Variants in SGSM1 observed in about 807,000 individuals in gnomAD.
SGSM1 encodes small G protein signaling modulator 1.
In SGSM1, 73 loss-of-function variants were observed where a neutral mutation model predicts 133.8. The observed-to-expected ratio is 0.55, with a 90% CI of 0.45 to 0.66. SGSM1 has a LOEUF of 0.66. Among genes scored for constraint, SGSM1 ranks in the 30% least tolerant of loss-of-function variants. SGSM1 has a pLI of 0.00. For missense variants in SGSM1, 1,213 were observed against 1,448.1 expected, an observed-to-expected ratio of 0.84 and a Z score of 2.64; for synonymous variants, 563 against 573.0, an observed-to-expected ratio of 0.98 and a Z score of 0.25.
chr22:24,884,102 C>G lies in SGSM1; in HGVS notation c.1545C>G (p.Ala515=). 6.2e-7 allele frequency: 1 copy of G among 1,613,762 alleles called. No homozygotes were observed. The highest frequency in any genetic ancestry group is 8.5e-7 in the Non-Finnish European group (1 of 1,179,802). Reference sequence around the variant, plus strand: ...CCACCGTGAGAACCCACCTATCAGCCCTGGTCAATCACATGATCGTGTCTC... The same window carrying G: ...CCACCGTGAGAACCCACCTATCAGCGCTGGTCAATCACATGATCGTGTCTC... The part of the protein sequence containing the change: ...HLSTVRTHLS[A]LVNHMIVSPD... Residue 515 remains alanine, a synonymous_variant, in exon 15 of 25, where the codon GCC becomes GCG. Transcript: ENST00000400358.
At chr22:24,916,396 C>G (rs940899948) in intron 22 of SGSM1, among the ~76,000 whole-genome samples, 1 of 152,034 alleles carries the variant, frequency 6.6e-6, no homozygotes, top group Non-Finnish European at 1.5e-5. Flanking sequence ...TAGCATGTAT[C>G]AAAACTTAGT....
Position 24,901,852 on chromosome 22 carries a change from A to G in SGSM1, c.2630A>G (p.Tyr877Cys). 1 of 1,612,804 alleles carries G rather than the reference A, an allele frequency of 6.2e-7. No homozygotes were observed. Among genetic ancestry groups the G allele is most frequent in the East Asian group, 2.2e-5 (1 of 44,862 alleles). The change falls in exon 20 of 25, where the codon TAC (tyrosine) becomes TGC (cysteine). Residue 877 changes from tyrosine to cysteine, a missense_variant. Coordinates refer to ENST00000400358, the MANE Select transcript of SGSM1 (RefSeq NM_001098497.3). ...VTYSPELLDL[Y>C]TVNLHRIEKD... ...CTATAGCCAGAGCTGCTGGATCTGTACACGGTGAACCTGCACCGCATCGAG... is the reference window on the plus strand; with the variant it reads ...CTATAGCCAGAGCTGCTGGATCTGTGCACGGTGAACCTGCACCGCATCGAG...
Position 24,891,906 on chromosome 22 carries a change from G to A in SGSM1, c.1771-1525G>A, listed in dbSNP as rs369480260. 1.8e-4 allele frequency among the ~76,000 whole-genome samples: 27 copies of A among 152,274 alleles called. 1 individual carries two copies. In the East Asian group the frequency reaches 4.2e-3, roughly 24 times the overall value. On this transcript the variant is annotated intron_variant, in intron 16 of 24. Coordinates refer to ENST00000400358, the MANE Select transcript of SGSM1 (RefSeq NM_001098497.3). ...GGTCTGGAGGGGAGACCAGCGTGGTGTGGTGTGTGTGTCCGAATGGGTTTA... is the reference window on the plus strand; with the variant it reads ...GGTCTGGAGGGGAGACCAGCGTGGTATGGTGTGTGTGTCCGAATGGGTTTA...
At position 24,907,260 on chromosome 22, in the gene SGSM1, CAAATAAATAAATAAATAAAT is replaced by C. The variant is rs199825662; in HGVS notation, c.2818+2101_2818+2120del. Among the ~76,000 whole-genome samples, 764 of 142,660 alleles carry C rather than the reference CAAATAAATAAATAAATAAAT, an allele frequency of 5.4e-3. 2 individuals are homozygous for C. Among genetic ancestry groups the C allele is most frequent in the African/African-American group, 0.018 (683 of 38,794 alleles). 93.6% of individuals were successfully genotyped at this position (142,660 alleles called of 152,430 possible). A position where few individuals can be genotyped will look rare whatever the true frequency, so the allele number is the denominator to read the frequency against. ...GGGTGACAAGAGCAAAACTCCATCT[CAAATAAATAAATAAATAAAT>C]AAATAAATAAATAAATAAATAAATA... On this transcript the variant is annotated intron_variant, in intron 21 of 24. Coordinates refer to ENST00000400358, the MANE Select transcript of SGSM1 (RefSeq NM_001098497.3).
rs1304026219 is a variant in SGSM1, at chr22:24,845,955, T to TTCTTTCTTTCTTTCTC, written c.139+998_139+999insCTCTTTCTTTCTTTCT. On this transcript the variant is annotated intron_variant, in intron 3 of 24. Coordinates refer to ENST00000400358, the MANE Select transcript of SGSM1 (RefSeq NM_001098497.3). ...CTTTTCTTTTCTTTTCTTTCTTTCT[T>TTCTTTCTTTCTTTCTC]TCTTTCTTTCTTTCTTTCTTTCTTT... Among the ~76,000 whole-genome samples, 426 of 91,914 alleles carry TTCTTTCTTTCTTTCTC rather than the reference T, an allele frequency of 4.6e-3. 10 individuals are homozygous for TTCTTTCTTTCTTTCTC. Among genetic ancestry groups the TTCTTTCTTTCTTTCTC allele is most frequent in the African/African-American group, 0.015 (410 of 27,074 alleles). The allele number at this position is 91,914 out of a possible 152,430, so 60.3% of individuals were successfully genotyped here.
intron 18 of SGSM1, among the ~76,000 whole-genome samples, chr22:24,897,475 G>A (rs543749937): frequency 6.6e-6 from 1 of 152,094 alleles, no homozygotes; most frequent in African/African-American, 2.4e-5. Context: ...CTTTTTTATT[G>A]CTGTTTGAGA....
chr22:24,901,819 C>G lies in SGSM1; in HGVS notation c.2611-14C>G. 1 of 1,611,898 alleles carries G rather than the reference C, an allele frequency of 6.2e-7. No homozygotes were observed. Among genetic ancestry groups the G allele is most frequent in the Non-Finnish European group, 8.5e-7 (1 of 1,179,088 alleles). ...TCATTTCTTCCCCCTACCCCCTGCCCCGATGGCCTATAGCCAGAGCTGCTG... is the reference window on the plus strand; with the variant it reads ...TCATTTCTTCCCCCTACCCCCTGCCGCGATGGCCTATAGCCAGAGCTGCTG... On this transcript the variant is annotated splice_polypyrimidine_tract_variant and intron_variant, in intron 19 of 24. Transcript: ENST00000400358.
At chr22:24,886,763 C>A (rs1278368586) in intron 16 of SGSM1, 35 bp downstream of exon 16, 24 of 1,557,438 alleles carry the variant, frequency 1.5e-5, no homozygotes, top group Admixed American at 3.8e-5. Flanking sequence ...GGATCTTTGG[C>A]AACAAAAGGA....
intron 2 of SGSM1, among the ~76,000 whole-genome samples, chr22:24,811,407 A>G (rs1164909965): frequency 6.7e-6 from 1 of 149,586 alleles, no homozygotes; most frequent in Non-Finnish European, 1.5e-5. Context: ...ATTGTCTTGA[A>G]TGCATATTTG....
rs1932472887 is a variant in SGSM1, at chr22:24,884,069, A to G, written c.1512A>G (p.Arg504=). Residue 504 remains arginine, a synonymous_variant, in exon 15 of 25, where the codon AGA becomes AGG. Coordinates refer to ENST00000400358, the MANE Select transcript of SGSM1 (RefSeq NM_001098497.3). ...CCTCAACAGGGCTGGCCTACTGCAGACACCTGTCCACCGTGAGAACCCACC... is the reference window on the plus strand; with the variant it reads ...CCTCAACAGGGCTGGCCTACTGCAGGCACCTGTCCACCGTGAGAACCCACC... ...RAFYGWLAYC[R]HLSTVRTHLS... 1 of 1,612,548 alleles carries G rather than the reference A, an allele frequency of 6.2e-7. No individual in the cohort carries two copies. Among genetic ancestry groups the G allele is most frequent in the Non-Finnish European group, 8.5e-7 (1 of 1,179,316 alleles).
At chr22:24,883,817 G>T (rs769904249) in intron 14 of SGSM1, among the ~76,000 whole-genome samples, 2 of 152,180 alleles carry the variant, frequency 1.3e-5, no homozygotes, top group Admixed American at 6.5e-5. Flanking sequence ...TTAGCCAGAC[G>T]TGCTGGCGCG....
At chr22:24,873,654 C>A (rs573487114) in intron 12 of SGSM1, among the ~76,000 whole-genome samples, 50 of 152,232 alleles carry the variant, frequency 3.3e-4, no homozygotes, top group Non-Finnish European at 5.9e-4. Context: ...AATTCGAGAT[C>A]AGCCTGGGCA....
chr22:24,913,048 C>T (rs1228086144), intron 22 of SGSM1, among the ~76,000 whole-genome samples: 1 of 151,982 alleles, frequency 6.6e-6, no homozygotes, highest in African/African-American at 2.4e-5. Context: ...AGAGCATAGT[C>T]CACGGGCTGG....
Position 24,906,819 on chromosome 22 carries a change from C to T in SGSM1, c.2818+1632C>T, listed in dbSNP as rs560168087. On this transcript the variant is annotated intron_variant, in intron 21 of 24. Transcript: ENST00000400358. ...AAACAAAAATAGCCAGGCGTGGTGG[C>T]GCATGCCTCTAATTCCAGTTACTTG... Among the ~76,000 whole-genome samples the T allele has an allele frequency of 5.1e-4, 77 of 152,044 alleles. No homozygotes were observed. The South Asian group carries it at 0.015, about 30-fold the overall frequency.
Position 24,926,967 on chromosome 22 carries a change from C to T in SGSM1, c.*2693C>T, listed in dbSNP as rs968945064. On this transcript the variant is annotated 3_prime_UTR_variant, in exon 25 of 25. Transcript: ENST00000400358. ...TGGGGTCAGATTTTTGTAATAGCTG[C>T]CTGGCCTTTTCCCAGAAAAGGTGAA... The T allele has an allele frequency of 6.6e-6, 1 of 151,904 alleles. No individual in the cohort carries two copies. Among genetic ancestry groups the T allele is most frequent in the Admixed American group, 6.6e-5 (1 of 15,224 alleles). 9.4% of individuals were successfully genotyped at this position (151,904 alleles called of 1,614,324 possible). A position where few individuals can be genotyped will look rare whatever the true frequency, so the allele number is the denominator to read the frequency against.
intron 16 of SGSM1, among the ~76,000 whole-genome samples, chr22:24,890,442 G>A (rs1932795595): frequency 6.6e-6 from 1 of 152,158 alleles, no homozygotes; most frequent in Admixed American, 6.5e-5. Context: ...TAAGTACACT[G>A]TCAAAACCAG....
intron 21 of SGSM1, among the ~76,000 whole-genome samples, chr22:24,910,416 G>T (rs1933576526): frequency 6.6e-6 from 1 of 152,170 alleles, no homozygotes; most frequent in Admixed American, 6.5e-5. Context: ...CACTTTGGGA[G>T]GCAGGAGGAT....
In SGSM1 at chr22:24,835,288, C is replaced by G. The variant is rs114767969; in HGVS notation, c.64-9609C>G. Among the ~76,000 whole-genome samples the G allele has an allele frequency of 1.5e-3, 224 of 152,252 alleles. 3 individuals are homozygous for G. Among genetic ancestry groups the G allele is most frequent in the African/African-American group, 5.0e-3 (209 of 41,530 alleles). On this transcript the variant is annotated intron_variant, in intron 2 of 24. Coordinates refer to ENST00000400358, the MANE Select transcript of SGSM1 (RefSeq NM_001098497.3). ...TTGAGCACACACCGTGTACCAAGCC[C>G]TATGCTAAATGCTTTACCTGCGTCG...
intron 5 of SGSM1, among the ~76,000 whole-genome samples, chr22:24,851,301 A>T (rs545863991): frequency 6.6e-6 from 1 of 152,138 alleles, no homozygotes; most frequent in East Asian, 1.9e-4. Flanking sequence ...CGTCAGGGAT[A>T]TAGTGGTGAT....
Sources: gnomAD v4.1 joint callset for allele counts (sites outside exome capture counted in the v4.1 genomes callset) on GRCh38, gnomAD v4.1.1 for gene constraint, MANE v1.5 for transcripts, NCBI Gene and HGNC (gene_info 2026-07-23, HGNC 2026-07-21) for gene names.